Variants in ESPL1 observed in about 807,000 individuals in gnomAD.
ESPL1 encodes separin.
A neutral mutation model predicts 217.2 loss-of-function variants in ESPL1; 50 were observed. The observed-to-expected ratio is 0.23, with a 90% CI of 0.18 to 0.29. The LOEUF (loss-of-function observed/expected upper bound fraction) is 0.29, where lower values mean the gene tolerates loss of function less well. Among genes scored for constraint, ESPL1 ranks in the 10% least tolerant of loss-of-function variants. The pLI, the probability that ESPL1 is intolerant of heterozygous loss-of-function variation, is 1.00. For synonymous variants in ESPL1, 994 were observed against 1,081.3 expected (o/e 0.92, Z 1.58); for missense variants, 1,834 against 2,603.0 (o/e 0.70, Z 6.43).
Position 53,281,572 on chromosome 12 carries a change from C to T in ESPL1, c.2565C>T (p.Leu855=), listed in dbSNP as rs1943862841. Residue 855 remains leucine, a synonymous_variant, in exon 13 of 31, where the codon CTC becomes CTT. Transcript: ENST00000257934. ...ATCAGACTACTGACACATACCTGCTCCTTTCCCTGACCTGTGATCTGCTTC... is the reference window on the plus strand; with the variant it reads ...ATCAGACTACTGACACATACCTGCTTCTTTCCCTGACCTGTGATCTGCTTC... ...HLDQTTDTYL[L]LSLTCDLLRS... is the part of the protein sequence containing the mutation. 3.7e-6 allele frequency: 6 copies of T among 1,613,926 alleles called. No individual in the cohort carries two copies. The highest frequency in any genetic ancestry group is 4.2e-6 in the Non-Finnish European group (5 of 1,179,802).
intron 24 of ESPL1, 40 bp downstream of exon 24, chr12:53,290,509 T>A: frequency 6.2e-7 from 1 of 1,607,512 alleles, no homozygotes; most frequent in Non-Finnish European, 8.5e-7. Flanking sequence ...GCTCTAGGAA[T>A]GACCCGGGGG....
rs529880261 is a variant in ESPL1, at chr12:53,284,309, G to T, written c.3187+142G>T. On this transcript the variant is annotated intron_variant, in intron 17 of 30. Coordinates refer to ENST00000257934, the MANE Select transcript of ESPL1 (RefSeq NM_012291.5). Reference sequence around the variant, plus strand: ...ATTACCCAGGCTGGAGTGCAGTGGCGTGATCTTGGCTCACTGCAACCCCTG... The same window carrying T: ...ATTACCCAGGCTGGAGTGCAGTGGCTTGATCTTGGCTCACTGCAACCCCTG... 1.2e-4 allele frequency: 73 copies of T among 596,642 alleles called. No homozygotes were observed. The South Asian group carries it at 1.3e-3, about 11-fold the overall frequency. The allele number at this position is 596,642 out of a possible 1,614,324, so 37.0% of individuals were successfully genotyped here.
Position 53,269,051 on chromosome 12 carries a change from T to G in ESPL1, c.109T>G (p.Phe37Val). ...GTTCCTGTCCAACCCTCCAGCTGGT[T>G]TTCCCAGCAGCCGATCTGATGCTGA... Reference protein sequence around the residue: ...KEFLSNPPAGFPSSRSDAERR... With the variant: ...KEFLSNPPAGVPSSRSDAERR... Residue 37 changes from phenylalanine to valine, a missense_variant, in exon 3 of 31, where the codon TTT (phenylalanine) becomes GTT (valine). Physicochemically the swap from Phe to Val is conservative, Grantham distance 50 (BLOSUM62 -1). Coordinates refer to ENST00000257934, the MANE Select transcript of ESPL1 (RefSeq NM_012291.5). The surrounding 1 kb of genome is among the most constrained non-coding windows in gnomAD (Gnocchi z 6.7). The G allele has an allele frequency of 6.2e-7, 1 of 1,612,964 alleles. No individual in the cohort carries two copies. Among genetic ancestry groups the G allele is most frequent in the Non-Finnish European group, 8.5e-7 (1 of 1,179,298 alleles).
chr12:53,289,660 T>C, intron 22 of ESPL1, 66 bp downstream of exon 22: 1 of 1,406,544 alleles, frequency 7.1e-7, no homozygotes, highest in Non-Finnish European at 9.8e-7. Context: ...GGGAGCTGGG[T>C]GAAGGAGTTT....
rs1490022175 is a variant in ESPL1 at position 53,292,040 on chromosome 12, C to A, written c.5748C>A (p.Thr1916=). 1 of 1,614,106 alleles carries A rather than the reference C, an allele frequency of 6.2e-7. No individual in the cohort carries two copies. The highest frequency in any genetic ancestry group is 2.2e-5 in the East Asian group (1 of 44,890). ...SMPSLQALPV[T]RLPSFRFLLS... ...CCAGCCTCCAAGCACTGCCTGTCAC[C>A]CGGCTGCCCTCCTTCCGCTTCCTAC... Residue 1916 remains threonine, a synonymous_variant, in exon 27 of 31, where the codon ACC becomes ACA. Transcript: ENST00000257934. The surrounding 1 kb of genome is among the most constrained non-coding windows in gnomAD (Gnocchi z 4.5).
chr12:53,285,897 G>A, intron 17 of ESPL1, 27 bp from the exon 18 acceptor site: 1 of 1,506,052 alleles, frequency 6.6e-7, no homozygotes, highest in Non-Finnish European at 8.9e-7. Flanking sequence ...TCCCCGTTTT[G>A]TAATTCTTGT....
At chr12:53,276,350 G>T (rs1943765367) in intron 7 of ESPL1, among the ~76,000 whole-genome samples, 1 of 152,194 alleles carries the variant, frequency 6.6e-6, no homozygotes, top group African/African-American at 2.4e-5. Context: ...ATAGGATGGG[G>T]AACCATATGG....
intron 3 of ESPL1, 93 bp downstream of exon 3, chr12:53,270,178 C>G: frequency 1.7e-6 from 2 of 1,189,406 alleles, no homozygotes; most frequent in South Asian, 1.4e-5. Context: ...TCCTGGCTCC[C>G]TCCTTGTTAA....
intron 11 of ESPL1, among the ~76,000 whole-genome samples, chr12:53,279,051 C>T (rs1017272733): frequency 2.0e-5 from 3 of 152,200 alleles, no homozygotes; most frequent in African/African-American, 7.2e-5. Flanking sequence ...ACCACCACAC[C>T]CTGCTAATTT....
At position 53,292,200 on chromosome 12, in the gene ESPL1, A is replaced by G. The variant is rs1044981932; in HGVS notation, c.5797-78A>G. On this transcript the variant is annotated intron_variant, in intron 27 of 30. Coordinates refer to ENST00000257934, the MANE Select transcript of ESPL1 (RefSeq NM_012291.5). The surrounding 1 kb of genome is among the most constrained non-coding windows in gnomAD (Gnocchi z 4.5). ...AGAGGGTCCTAGGAATGGCTCAGAC[A>G]TGGAAAGGGGCTGAGATTGTTAGAG... is the stretch of plus-strand genomic sequence containing the variant. 1.4e-6 allele frequency: 2 copies of G among 1,418,714 alleles called. No individual in the cohort carries two copies. The highest frequency in any genetic ancestry group is 2.0e-6 in the Non-Finnish European group (2 of 1,002,422). The allele number at this position is 1,418,714 out of a possible 1,614,324, so 87.9% of individuals were successfully genotyped here.
At chr12:53,272,209 G>A (rs532686474) in intron 5 of ESPL1, among the ~76,000 whole-genome samples, 14 of 152,320 alleles carry the variant, frequency 9.2e-5, no homozygotes, top group South Asian at 2.1e-4. Context: ...CTAGTTTGGG[G>A]GGAAAAGATA....
intron 3 of ESPL1, 116 bp downstream of exon 3, chr12:53,270,201 A>G: frequency 9.5e-7 from 1 of 1,047,740 alleles, no homozygotes; most frequent in South Asian, 1.5e-5. Flanking sequence ...TGCTCTCTGG[A>G]CAGTGCCTAG....
chr12:53,283,714 A>G (rs1943901318), intron 16 of ESPL1, among the ~76,000 whole-genome samples, 176 bp downstream of exon 16: 1 of 152,170 alleles, frequency 6.6e-6, no homozygotes, highest in Non-Finnish European at 1.5e-5. Flanking sequence ...AGATGTTTTT[A>G]TTTCCTGTAG....
intron 7 of ESPL1, among the ~76,000 whole-genome samples, chr12:53,275,687 A>C (rs1670663781): frequency 6.7e-6 from 1 of 148,502 alleles, no homozygotes; most frequent in Non-Finnish European, 1.5e-5. Flanking sequence ...ACTTGGGGAG[A>C]TATTTTTAAA....
intron 6 of ESPL1, among the ~76,000 whole-genome samples, chr12:53,273,735 G>T (rs1592479283): frequency 6.6e-6 from 1 of 151,500 alleles, no homozygotes; most frequent in East Asian, 2.0e-4. Context: ...CTCCAGCCTG[G>T]GCTACAGAGC....
At chr12:53,287,703 T>G in intron 18 of ESPL1, 1 of 326,600 alleles carries the variant, frequency 3.1e-6, no homozygotes. Context: ...AAGTCTCCCT[T>G]TGTTTCAGAC....
chr12:53,290,315 A>G, intron 23 of ESPL1, 32 bp from the exon 24 acceptor site: 1 of 1,611,232 alleles, frequency 6.2e-7, no homozygotes, highest in Admixed American at 1.7e-5. Flanking sequence ...TCACGTGGAC[A>G]AGCAGAGCTC....
chr12:53,293,420 G>A lies in ESPL1; in HGVS notation c.6309G>A (p.Lys2103=). 4.3e-6 allele frequency: 7 copies of A among 1,614,148 alleles called. No homozygotes were observed. The highest frequency in any genetic ancestry group is 5.9e-6 in the Non-Finnish European group (7 of 1,180,028). The change falls in exon 31 of 31, where the codon AAG becomes AAA. Residue 2103 remains lysine, a synonymous_variant. Transcript: ENST00000257934. The surrounding 1 kb of genome is among the most constrained non-coding windows in gnomAD (Gnocchi z 4.2). ...VNQARQAPRL[K]YLIGAAPIAY... The stretch of plus-strand genomic sequence containing the variant: ...AGGCCCGCCAAGCTCCCCGACTCAA[G>A]TATCTTATTGGGGCTGCACCTATAG...
intron 11 of ESPL1, among the ~76,000 whole-genome samples, chr12:53,279,111 G>A (rs904203799): frequency 2.0e-5 from 3 of 152,132 alleles, no homozygotes; most frequent in Non-Finnish European, 2.9e-5. Context: ...GGCTGATCTC[G>A]AACTCCTGAT....
Sources: gnomAD v4.1 joint callset for allele counts (sites outside exome capture counted in the v4.1 genomes callset) on GRCh38, gnomAD v4.1.1 for gene constraint, Gnocchi (gnomAD v3.1) non-coding constraint, MANE v1.5 for transcripts, NCBI Gene and HGNC (gene_info 2026-07-23, HGNC 2026-07-21) for gene names.